Variants in PPP1R8 observed in about 807,000 individuals in gnomAD.
The protein encoded by PPP1R8 is nuclear inhibitor of protein phosphatase 1.
In PPP1R8, 4 loss-of-function variants were observed where a neutral mutation model predicts 31.3. The ratio of observed to expected loss-of-function variants is 0.13; its 90% CI spans 0.06 to 0.29. PPP1R8 has a LOEUF of 0.29. Ranked by LOEUF, PPP1R8 falls within the 10% of genes least tolerant of loss-of-function variation. The pLI, the probability that PPP1R8 is intolerant of heterozygous loss-of-function variation, is 1.00. For missense variants in PPP1R8, 254 were observed against 440.1 expected (o/e 0.58, Z 3.78); for synonymous variants, 170 against 169.7 (o/e 1.00, Z -0.01).
chr1:27,832,594 C>T lies in PPP1R8; in HGVS notation c.57-162C>T, dbSNP rs144622130. 2.9e-4 allele frequency among the ~76,000 whole-genome samples: 44 copies of T among 152,192 alleles called. No homozygotes were observed. In the South Asian group the frequency reaches 3.7e-3, roughly 13 times the overall value. ...AATCACTAGGGAAGTAAGTGTCAAACGTAGAATGGAGCTGTAATAACAGTG... is the reference window on the plus strand; with the variant it reads ...AATCACTAGGGAAGTAAGTGTCAAATGTAGAATGGAGCTGTAATAACAGTG... On this transcript the variant is annotated intron_variant, in intron 1 of 6. Coordinates refer to ENST00000311772, the MANE Select transcript of PPP1R8 (RefSeq NM_014110.5).
intron 5 of PPP1R8, among the ~76,000 whole-genome samples, chr1:27,844,884 A>AT (rs765514573): frequency 0.011 from 766 of 72,370 alleles, 49 homozygotes; most frequent in East Asian, 0.019. Context: ...TGCCCGACTA[A>AT]TTTTTTTTTT....
chr1:27,832,920 A>G, intron 2 of PPP1R8, 104 bp downstream of exon 2: 15 of 945,892 alleles, frequency 1.6e-5, no homozygotes, highest in Non-Finnish European at 2.3e-5. Flanking sequence ...CAGCAATGCT[A>G]CTTTCTTTCA....
At position 27,830,860 on chromosome 1, in the gene PPP1R8, T is replaced by G. The variant is rs2089093387; in HGVS notation, c.25T>G (p.Ser9Ala). Residue 9 changes from serine (S) to alanine (A), a missense_variant, in exon 1 of 7, where the codon TCT becomes GCT. Transcript: ENST00000311772. ...GATGGCGGCAGCCGCGAACTCCGGC[T>G]CTAGCCTCCCGCTGTTCGACTGCCC... MAAAANSG[S>A]SLPLFDCPTW... The G allele has an allele frequency of 1.3e-6, 2 of 1,575,888 alleles. No homozygotes were observed. Among genetic ancestry groups the G allele is most frequent in the South Asian group, 1.2e-5 (1 of 85,824 alleles).
Position 27,851,429 on chromosome 1 carries a change from C to T in PPP1R8, c.*983C>T, listed in dbSNP as rs2089343146. 3 of 408,044 alleles carry T rather than the reference C, an allele frequency of 7.4e-6. No homozygotes were observed. The highest frequency in any genetic ancestry group is 1.5e-5 in the Non-Finnish European group (3 of 200,330). 25.3% of individuals were successfully genotyped at this position (408,044 alleles called of 1,614,324 possible). On this transcript the variant is annotated 3_prime_UTR_variant, in exon 7 of 7. Coordinates refer to ENST00000311772, the MANE Select transcript of PPP1R8 (RefSeq NM_014110.5). ...AGGAAACATTGATACAAGCTTTGTA[C>T]AGAGATTTGTACATTTGTGTAATAG...
At chr1:27,832,165 A>G (rs998231016) in intron 1 of PPP1R8, among the ~76,000 whole-genome samples, 10 of 152,210 alleles carry the variant, frequency 6.6e-5, no homozygotes, top group African/African-American at 2.4e-4. Context: ...TGGCTGTAGG[A>G]TATAGAGGAA....
chr1:27,842,468 C>G (rs1304981974), intron 4 of PPP1R8, among the ~76,000 whole-genome samples: 4 of 152,132 alleles, frequency 2.6e-5, no homozygotes, highest in Non-Finnish European at 5.9e-5. Context: ...CAGGCTGCTG[C>G]TATACTTCCA....
intron 2 of PPP1R8, among the ~76,000 whole-genome samples, chr1:27,834,794 G>C (rs778802955): frequency 6.6e-6 from 1 of 152,150 alleles, no homozygotes; most frequent in African/African-American, 2.4e-5. Flanking sequence ...GAGGCGGGCA[G>C]ATCACCTGAG....
chr1:27,848,229 C>T (rs1037767702), intron 6 of PPP1R8, among the ~76,000 whole-genome samples: 51 of 151,998 alleles, frequency 3.4e-4, no homozygotes, highest in African/African-American at 1.2e-3. Context: ...GGTGAAACCC[C>T]GTCGCTACTG....
intron 1 of PPP1R8, among the ~76,000 whole-genome samples, chr1:27,831,559 A>G (rs754451233): frequency 6.6e-6 from 1 of 152,222 alleles, no homozygotes; most frequent in East Asian, 1.9e-4. Flanking sequence ...TTCTGAATTA[A>G]GAGTTTTTTT....
chr1:27,851,609 T>G lies in PPP1R8; in HGVS notation c.*1163T>G, dbSNP rs147540656. ...AAATGTTTGCTAAAGGCACAGTCAC[T>G]GGGCTTGGGAGGCAATGCTCCATCC... On this transcript the variant is annotated 3_prime_UTR_variant, in exon 7 of 7. Transcript: ENST00000311772. The G allele has an allele frequency of 2.2e-3, 1,141 of 507,544 alleles. 1 individual carries two copies. The highest frequency in any genetic ancestry group is 3.7e-3 in the Non-Finnish European group (949 of 254,112). 31.4% of individuals were successfully genotyped at this position (507,544 alleles called of 1,614,324 possible).
At chr1:27,844,091 C>T (rs938316618) in intron 5 of PPP1R8, among the ~76,000 whole-genome samples, 18 of 152,030 alleles carry the variant, frequency 1.2e-4, no homozygotes, top group Admixed American at 9.2e-4. Context: ...CAGCCTTGAC[C>T]ACCCAGGCTC....
At chr1:27,834,846 C>T (rs1407968447) in intron 2 of PPP1R8, among the ~76,000 whole-genome samples, 1 of 152,060 alleles carries the variant, frequency 6.6e-6, no homozygotes, top group Non-Finnish European at 1.5e-5. Flanking sequence ...GGCAAAACCC[C>T]GTCTCTACTA....
At chr1:27,838,607 T>C in intron 2 of PPP1R8, 92 bp from the exon 3 acceptor site, 1 of 819,458 alleles carries the variant, frequency 1.2e-6, no homozygotes, top group Non-Finnish European at 1.7e-6. Context: ...TGGAAAGGAA[T>C]TTTATCTACT....
chr1:27,847,119 G>A, intron 6 of PPP1R8, 27 bp downstream of exon 6: 1 of 1,608,120 alleles, frequency 6.2e-7, no homozygotes, highest in Non-Finnish European at 8.5e-7. Flanking sequence ...ATGCCATACA[G>A]TCTGTGTTTT....
At chr1:27,837,480 A>G (rs1011415533) in intron 2 of PPP1R8, among the ~76,000 whole-genome samples, 3 of 150,146 alleles carry the variant, frequency 2.0e-5, no homozygotes, top group African/African-American at 7.4e-5. Flanking sequence ...TATCTAATAG[A>G]ATTAAGAAAA....
intron 3 of PPP1R8, among the ~76,000 whole-genome samples, chr1:27,839,769 A>G (rs1413726322): frequency 1.3e-5 from 2 of 151,778 alleles, no homozygotes; most frequent in Non-Finnish European, 2.9e-5. Context: ...TTTTAATTCC[A>G]TAAGCAAGGC....
chr1:27,843,619 C>T (rs1371887784), intron 5 of PPP1R8, among the ~76,000 whole-genome samples: 1 of 150,472 alleles, frequency 6.6e-6, no homozygotes, highest in Non-Finnish European at 1.5e-5. Context: ...GGGATTGTGC[C>T]ATTGCACTCC....
chr1:27,833,996 A>G (rs1366646116), intron 2 of PPP1R8, among the ~76,000 whole-genome samples: 2 of 152,244 alleles, frequency 1.3e-5, no homozygotes, highest in Admixed American at 1.3e-4. Context: ...ATTCAAAGAA[A>G]TAATTTAGCT....
Position 27,833,476 on chromosome 1 carries a change from C to T in PPP1R8, c.117+660C>T, listed in dbSNP as rs1029548865. On this transcript the variant is annotated intron_variant, in intron 2 of 6. Transcript: ENST00000311772. ...GTACTATAAAAGTTTAGCAGAATTCCAGCTTTTATACAAGCCTCTAGAGAG... is the reference window on the plus strand; with the variant it reads ...GTACTATAAAAGTTTAGCAGAATTCTAGCTTTTATACAAGCCTCTAGAGAG... Among the ~76,000 whole-genome samples, 4 of 152,090 alleles carry T rather than the reference C, an allele frequency of 2.6e-5. No individual in the cohort carries two copies. In the East Asian group the frequency reaches 7.7e-4, roughly 29 times the overall value.
Sources: gnomAD v4.1 joint callset for allele counts (sites outside exome capture counted in the v4.1 genomes callset) on GRCh38, gnomAD v4.1.1 for gene constraint, MANE v1.5 for transcripts, NCBI Gene and HGNC (gene_info 2026-07-23, HGNC 2026-07-21) for gene names.